Variants in CSMD1 observed in about 807,000 individuals in gnomAD.
CSMD1 encodes CUB and sushi domain-containing protein 1.
A neutral mutation model predicts 417.5 loss-of-function variants in CSMD1; 213 were observed. The observed-to-expected ratio is 0.51, with a 90% CI of 0.46 to 0.57. CSMD1 has a LOEUF of 0.57. Among genes scored for constraint, CSMD1 ranks in the 20% least tolerant of loss-of-function variants. The probability of loss-of-function intolerance (pLI) is 0.00; values close to 1 mark genes in which losing one functional copy is unlikely to be tolerated. For synonymous variants in CSMD1, 2,862 were observed against 1,736.8 expected (o/e 1.65, Z -16.11); for missense variants, 6,923 against 4,529.7 (o/e 1.53, Z -15.17).
At chr8:3,584,268 T>G (rs1406293743) in intron 9 of CSMD1, among the ~76,000 whole-genome samples, 1 of 152,062 alleles carries the variant, frequency 6.6e-6, no homozygotes, top group East Asian at 1.9e-4. Context: ...CCTGTGGAGT[T>G]GAAAGGAAGA....
intron 3 of CSMD1, among the ~76,000 whole-genome samples, chr8:4,041,004 C>CT (rs1226391565): frequency 2.3e-4 from 30 of 129,794 alleles, no homozygotes; most frequent in Non-Finnish European, 3.7e-4. Flanking sequence ...TCTTTTCTTT[C>CT]TTTTTTTTTT....
chr8:3,363,917 A>C (rs1374482358), intron 20 of CSMD1, among the ~76,000 whole-genome samples: 1 of 152,166 alleles, frequency 6.6e-6, no homozygotes, highest in Non-Finnish European at 1.5e-5. Context: ...ATCTAAGCCA[A>C]CTGGAATACG....
chr8:4,655,261 T>G (rs1804154660), intron 1 of CSMD1, among the ~76,000 whole-genome samples: 1 of 152,130 alleles, frequency 6.6e-6, no homozygotes, highest in Admixed American at 6.5e-5. Context: ...AATAGAACCC[T>G]CCCCCTGGGG....
intron 5 of CSMD1, among the ~76,000 whole-genome samples, chr8:3,900,387 G>C (rs1056320641): frequency 6.6e-6 from 1 of 151,530 alleles, no homozygotes; most frequent in Non-Finnish European, 1.5e-5. Flanking sequence ...GTGCAGCTGG[G>C]TGACAGTATA....
At chr8:3,306,877 G>C (rs562913218) in intron 25 of CSMD1, among the ~76,000 whole-genome samples, 1 of 151,410 alleles carries the variant, frequency 6.6e-6, no homozygotes, top group African/African-American at 2.4e-5. Context: ...CTTTTTGTTG[G>C]TTTAAATAAC....
At chr8:4,286,826 T>G (rs1585161411) in intron 3 of CSMD1, among the ~76,000 whole-genome samples, 1 of 152,292 alleles carries the variant, frequency 6.6e-6, no homozygotes, top group South Asian at 2.1e-4. Context: ...ATCTTTCAGT[T>G]GCTGTTGCTG....
chr8:4,636,273 T>A (rs1802806323), intron 2 of CSMD1, among the ~76,000 whole-genome samples: 1 of 152,130 alleles, frequency 6.6e-6, no homozygotes, highest in Admixed American at 6.5e-5. Context: ...AAAAAGTAGA[T>A]ACAGACGTAC....
At chr8:3,456,386 C>G (rs1456509940) in intron 12 of CSMD1, among the ~76,000 whole-genome samples, 1 of 152,220 alleles carries the variant, frequency 6.6e-6, no homozygotes, top group Middle Eastern at 3.4e-3. Context: ...CTTCTGCATC[C>G]CTCACGCTGG....
chr8:3,885,767 A>T (rs986334858), intron 5 of CSMD1, among the ~76,000 whole-genome samples: 2 of 152,172 alleles, frequency 1.3e-5, no homozygotes, highest in African/African-American at 4.8e-5. Context: ...AACTGGAGTC[A>T]AGTTTATTTA....
At chr8:4,820,566 G>A (rs536650226) in intron 1 of CSMD1, among the ~76,000 whole-genome samples, 1 of 152,278 alleles carries the variant, frequency 6.6e-6, no homozygotes, top group African/African-American at 2.4e-5. Flanking sequence ...AAGAAAAAAA[G>A]TGAGCAAAGA....
intron 1 of CSMD1, among the ~76,000 whole-genome samples, chr8:4,736,979 C>A (rs1041000736): frequency 1.1e-4 from 16 of 152,122 alleles, no homozygotes; most frequent in African/African-American, 3.1e-4. Context: ...CTCATGGCTG[C>A]TTCTTTATAG....
intron 50 of CSMD1, among the ~76,000 whole-genome samples, chr8:3,049,603 G>C (rs569162750): frequency 8.2e-4 from 119 of 145,474 alleles, no homozygotes; most frequent in Non-Finnish European, 1.3e-3. Context: ...AATGGGTGGA[G>C]CACAGGAGAC....
chr8:3,242,059 T>G lies in CSMD1; in HGVS notation c.4154-11828A>C, dbSNP rs567870749. Among the ~76,000 whole-genome samples the G allele has an allele frequency of 4.2e-4, 47 of 111,136 alleles. No homozygotes were observed. In the East Asian group the frequency reaches 0.01, roughly 25 times the overall value. The allele number at this position is 111,136 out of a possible 152,430, so 72.9% of individuals were successfully genotyped here. On this transcript the variant is annotated intron_variant, in intron 26 of 69. Coordinates refer to ENST00000635120, the MANE Select transcript of CSMD1 (RefSeq NM_033225.6). ...AACTGGGCTGGATTTTTATATTTGA[T>G]GAAAAAGAGCCTAAACACTATCTGA...
At chr8:4,427,072 C>A (rs951148708) in intron 2 of CSMD1, among the ~76,000 whole-genome samples, 2 of 152,030 alleles carry the variant, frequency 1.3e-5, no homozygotes, top group African/African-American at 2.4e-5. Flanking sequence ...CTTGGGAGAT[C>A]AAAGAGCACA....
chr8:3,294,302 C>T (rs1434942663), intron 25 of CSMD1, among the ~76,000 whole-genome samples: 1 of 152,168 alleles, frequency 6.6e-6, no homozygotes, highest in Non-Finnish European at 1.5e-5. Flanking sequence ...TCTGTCTGTT[C>T]TGAGATCTCA....
At chr8:4,630,087 G>A (rs1226338562) in intron 2 of CSMD1, among the ~76,000 whole-genome samples, 3 of 152,108 alleles carry the variant, frequency 2.0e-5, no homozygotes, top group African/African-American at 4.8e-5. Flanking sequence ...TTTAGCTACC[G>A]CAAAACACAC....
At position 4,343,710 on chromosome 8, in the gene CSMD1, G is replaced by T. The variant is rs370124757; in HGVS notation, c.415+76243C>A. Among the ~76,000 whole-genome samples, 49 of 152,182 alleles carry T rather than the reference G, an allele frequency of 3.2e-4. No homozygotes were observed. In the East Asian group the frequency reaches 5.2e-3, roughly 16 times the overall value. ...TTGCAGCTTTTTCTTTTCACCAGGG[G>T]AGCTTCGACTAGGTCCATAAGGAAA... On this transcript the variant is annotated intron_variant, in intron 3 of 69. Coordinates refer to ENST00000635120, the MANE Select transcript of CSMD1 (RefSeq NM_033225.6).
rs754050230 is a variant in CSMD1 at position 4,948,010 on chromosome 8, G to C, written c.85+46322C>G. ...CTGCTGTATGAACTTTCTTCCACAT[G>C]TCAGCTTGTGTTACACATTCACTTT... On this transcript the variant is annotated intron_variant, in intron 1 of 69. Transcript: ENST00000635120. Among the ~76,000 whole-genome samples, 12 of 151,998 alleles carry C rather than the reference G, an allele frequency of 7.9e-5. No individual in the cohort carries two copies. In the East Asian group the frequency reaches 1.7e-3, roughly 22 times the overall value.
chr8:3,572,315 G>C (rs774874360), intron 10 of CSMD1, among the ~76,000 whole-genome samples: 2 of 152,186 alleles, frequency 1.3e-5, no homozygotes, highest in African/African-American at 4.8e-5. Flanking sequence ...GCTTCAGGGA[G>C]CAGTTGAGGG....
Sources: gnomAD v4.1 joint callset for allele counts (sites outside exome capture counted in the v4.1 genomes callset) on GRCh38, gnomAD v4.1.1 for gene constraint, MANE v1.5 for transcripts, NCBI Gene and HGNC (gene_info 2026-07-23, HGNC 2026-07-21) for gene names.